ZNF705G: variants seen among roughly 807,000 people sequenced by gnomAD.
ZNF705G encodes the protein putative zinc finger protein 705G.
A neutral mutation model predicts 19.6 loss-of-function variants in ZNF705G; 23 were observed. The ratio of observed to expected loss-of-function variants is 1.17; its 90% CI spans 0.84 to 1.66. The LOEUF is 1.66. Among genes scored for constraint, ZNF705G ranks in the 40% most tolerant of loss-of-function variants. ZNF705G has a pLI of 0.00. For synonymous variants in ZNF705G, 146 were observed against 117.7 expected, an observed-to-expected ratio of 1.24 and a Z score of -1.56; for missense variants, 457 against 354.4, an observed-to-expected ratio of 1.29 and a Z score of -2.32.
At chr8:7,374,640 G>C (rs1807192867) in intron 2 of ZNF705G, among the ~76,000 whole-genome samples, 1 of 84,214 alleles carries the variant, frequency 1.2e-5, no homozygotes, top group Non-Finnish European at 2.2e-5. Context: ...TTTTGTAGAA[G>C]GCTAGAGAGG....
chr8:7,368,331 T>A (rs1806953698), intron 2 of ZNF705G, among the ~76,000 whole-genome samples: 1 of 149,390 alleles, frequency 6.7e-6, no homozygotes, highest in African/African-American at 2.6e-5. Flanking sequence ...TACTTTTGAG[T>A]GTATTATATG....
intron 1 of ZNF705G, among the ~76,000 whole-genome samples, chr8:7,384,055 A>C (rs1481465523): frequency 7.4e-6 from 1 of 134,402 alleles, no homozygotes; most frequent in Non-Finnish European, 1.5e-5. Flanking sequence ...TGAGATGTAG[A>C]CATCAGAGAA....
Position 7,361,217 on chromosome 8 carries a change from T to C in ZNF705G, c.32A>G (p.Asp11Gly). The C allele has an allele frequency of 3.1e-6, 5 of 1,592,580 alleles. No individual in the cohort carries two copies. The highest frequency in any genetic ancestry group is 4.2e-6 in the Non-Finnish European group (5 of 1,179,376). The change falls in exon 4 of 7, where the codon GAT (aspartate) becomes GGT (glycine). Residue 11 changes from aspartate (D) to glycine (G), a missense_variant. Physicochemically the swap from Asp to Gly is moderately conservative, Grantham distance 94. Coordinates refer to ENST00000400156, the MANE Select transcript of ZNF705G (RefSeq NM_001164457.3). MHSLKKLTFE[D>G]VAIDFTQEEW... Reference sequence around the variant, plus strand: ...TTCCTGGGTGAAGTCAATAGCTACATCTTCAAAAGTCAGTTTCTTCTAAAA... The same window carrying C: ...TTCCTGGGTGAAGTCAATAGCTACACCTTCAAAAGTCAGTTTCTTCTAAAA...
intron 2 of ZNF705G, among the ~76,000 whole-genome samples, chr8:7,379,441 C>A (rs575590438): frequency 1.4e-5 from 2 of 147,196 alleles, no homozygotes; most frequent in Non-Finnish European, 2.9e-5. Context: ...TGCTAGGAGG[C>A]GGTCTTCAAG....
At chr8:7,364,071 T>A (rs1806735044) in intron 2 of ZNF705G, among the ~76,000 whole-genome samples, 1 of 149,532 alleles carries the variant, frequency 6.7e-6, no homozygotes. Context: ...TAACGTGGTA[T>A]CTAAAATTCT....
chr8:7,358,915 T>C (rs1806431873), intron 6 of ZNF705G, among the ~76,000 whole-genome samples: 1 of 149,476 alleles, frequency 6.7e-6, no homozygotes, highest in Non-Finnish European at 1.5e-5. Flanking sequence ...TCTTTACAAG[T>C]GCAGTCATCC....
chr8:7,360,200 A>G lies in ZNF705G; in HGVS notation c.235+37T>C, dbSNP rs746107191. On this transcript the variant is annotated intron_variant, in intron 5 of 6. Transcript: ENST00000400156. ...AACTGATATTATTCATTGACAAAGC[A>G]CCTCCTCCTATTAGAGCACAGGACC... is the stretch of plus-strand genomic sequence containing the variant. The G allele has an allele frequency of 1.4e-5, 23 of 1,586,380 alleles. No homozygotes were observed. The South Asian group carries it at 2.4e-4, about 17-fold the overall frequency.
At chr8:7,363,052 C>G (rs376219816) in intron 2 of ZNF705G, 35 bp from the exon 3 acceptor site, 12 of 1,582,896 alleles carry the variant, frequency 7.6e-6, no homozygotes, top group South Asian at 2.2e-5. Flanking sequence ...AGACACCAGT[C>G]TTGTGCACAA....
chr8:7,380,707 AC>A (rs1364210694), intron 2 of ZNF705G, among the ~76,000 whole-genome samples: 1 of 146,204 alleles, frequency 6.8e-6, no homozygotes, highest in East Asian at 1.9e-4. Context: ...ATGCCTATCT[AC>A]CGAGCTCACC....
intron 2 of ZNF705G, among the ~76,000 whole-genome samples, chr8:7,380,488 G>C (rs1386888352): frequency 2.0e-5 from 3 of 147,438 alleles, no homozygotes; most frequent in Non-Finnish European, 4.4e-5. Context: ...TGTGTCTCCT[G>C]AGAGCTTAAG....
In ZNF705G at chr8:7,357,906, T is replaced by C. The variant is rs1211179179; in HGVS notation, c.*70A>G. ...ATTTTCTGATGCTCTTTAAGATTAG[T>C]ACATTGTCTGAAGGCTTTCCCACAT... On this transcript the variant is annotated 3_prime_UTR_variant, in exon 7 of 7. Transcript: ENST00000400156. The C allele has an allele frequency of 1.3e-5, 21 of 1,596,716 alleles. No individual in the cohort carries two copies. The highest frequency in any genetic ancestry group is 1.9e-4 in the Middle Eastern group (1 of 5,262).
rs773198601 is a variant in ZNF705G at position 7,358,419 on chromosome 8, G to T, written c.460C>A (p.Arg154Ser). The change falls in exon 7 of 7, where the codon CGT becomes AGT. Residue 154 changes from arginine to serine, a missense_variant. Arg to Ser is a moderately radical substitution (Grantham distance 110). Transcript: ENST00000400156. Reference protein sequence around the residue: ...YVSKQCGKSLRNLLSTEPHKQ... With the variant: ...YVSKQCGKSLSNLLSTEPHKQ... Reference sequence around the variant, plus strand: ...TGTGGTTCAGTGGACAAAAGATTACGAAGGGATTTTCCACACTGTTTGCTG... The same window carrying T: ...TGTGGTTCAGTGGACAAAAGATTACTAAGGGATTTTCCACACTGTTTGCTG... 7 of 1,607,630 alleles carry T rather than the reference G, an allele frequency of 4.4e-6. No homozygotes were observed. In the South Asian group the frequency reaches 7.7e-5, roughly 18 times the overall value.
chr8:7,361,602 A>G (rs559039033), intron 3 of ZNF705G, among the ~76,000 whole-genome samples: 1 of 149,772 alleles, frequency 6.7e-6, no homozygotes, highest in Non-Finnish European at 1.5e-5. Flanking sequence ...GATTTGTCAC[A>G]AGGCAAATAA....
At chr8:7,372,239 T>TA (rs1324754195) in intron 2 of ZNF705G, among the ~76,000 whole-genome samples, 80 of 146,216 alleles carry the variant, frequency 5.5e-4, no homozygotes, top group South Asian at 3.3e-3. Context: ...TTGACCAATT[T>TA]AAAAAAAAAT....
In ZNF705G at chr8:7,360,210, A is replaced by G. The variant is rs749424323; in HGVS notation, c.235+27T>C. On this transcript the variant is annotated intron_variant, in intron 5 of 6. Coordinates refer to ENST00000400156, the MANE Select transcript of ZNF705G (RefSeq NM_001164457.3). ...ATTCATTGACAAAGCACCTCCTCCTATTAGAGCACAGGACCCTGTTGCTTA... is the reference window on the plus strand; with the variant it reads ...ATTCATTGACAAAGCACCTCCTCCTGTTAGAGCACAGGACCCTGTTGCTTA... 5 of 1,590,314 alleles carry G rather than the reference A, an allele frequency of 3.1e-6. No individual in the cohort carries two copies. The East Asian group carries it at 6.7e-5, about 21-fold the overall frequency.
intron 2 of ZNF705G, among the ~76,000 whole-genome samples, chr8:7,364,175 T>A (rs1249058918): frequency 2.0e-5 from 3 of 149,692 alleles, no homozygotes; most frequent in Non-Finnish European, 4.4e-5. Flanking sequence ...CATGTATACA[T>A]TCGTACATAG....
intron 2 of ZNF705G, among the ~76,000 whole-genome samples, chr8:7,379,403 G>A (rs1296817461): frequency 6.8e-6 from 1 of 147,310 alleles, no homozygotes; most frequent in Non-Finnish European, 1.5e-5. Flanking sequence ...GTATATTAAA[G>A]CCGTCACATA....
chr8:7,360,678 A>C (rs1319359358), intron 4 of ZNF705G, among the ~76,000 whole-genome samples: 1 of 148,270 alleles, frequency 6.7e-6, no homozygotes, highest in African/African-American at 2.6e-5. Context: ...CACGCACAAC[A>C]AAAAAAAACA....
chr8:7,376,868 T>C (rs1320941066), intron 2 of ZNF705G, among the ~76,000 whole-genome samples: 2 of 135,880 alleles, frequency 1.5e-5, no homozygotes, highest in Non-Finnish European at 3.1e-5. Flanking sequence ...TTATAATCTA[T>C]CATATAGAGA....
Sources: allele counts gnomAD v4.1 joint callset (sites outside exome capture counted in the v4.1 genomes callset), GRCh38; gene constraint gnomAD v4.1.1; transcripts MANE v1.5; gene names NCBI Gene and HGNC (gene_info 2026-07-23, HGNC 2026-07-21).